PIK3R1: variants seen among roughly 807,000 people sequenced by gnomAD.
PIK3R1 encodes the protein phosphoinositide-3-kinase regulatory subunit 1.
A neutral mutation model predicts 98.0 loss-of-function variants in PIK3R1; 29 were observed. That is an observed-to-expected ratio of 0.30 (90% CI 0.22 to 0.40). The LOEUF (loss-of-function observed/expected upper bound fraction) is 0.40. PIK3R1 is among the 10% of genes least tolerant of loss of function. The pLI is 1.00. For missense variants in PIK3R1, 596 were observed against 872.7 expected (o/e 0.68, Z 3.99); for synonymous variants, 282 against 311.8 (o/e 0.90, Z 1.01).
rs143920253 is a variant in PIK3R1 at position 68,288,636 on chromosome 5, G to T, written c.917-3623G>T. On this transcript the variant is annotated intron_variant, in intron 7 of 15. Coordinates refer to ENST00000521381, the MANE Select transcript of PIK3R1 (RefSeq NM_181523.3). ...GCACTGCCTGCCGGGAACAGGCTGGGGGGAGGTGCGGGGGCTTGGCCCACT... is the reference window on the plus strand; with the variant it reads ...GCACTGCCTGCCGGGAACAGGCTGGTGGGAGGTGCGGGGGCTTGGCCCACT... 6 of 1,597,210 alleles carry T rather than the reference G, an allele frequency of 3.8e-6. No homozygotes were observed. The East Asian group carries it at 1.1e-4, about 30-fold the overall frequency.
chr5:68,260,063 A>G (rs1362361286), intron 2 of PIK3R1, among the ~76,000 whole-genome samples: 4 of 152,190 alleles, frequency 2.6e-5, no homozygotes, highest in African/African-American at 9.7e-5. Flanking sequence ...CGTAGCATAG[A>G]GCCTGATACA....
At chr5:68,275,846 G>C (rs1362911900) in intron 4 of PIK3R1, among the ~76,000 whole-genome samples, 1 of 152,088 alleles carries the variant, frequency 6.6e-6, no homozygotes, top group Non-Finnish European at 1.5e-5. Flanking sequence ...AAAAATTATG[G>C]CTTTTAACTA....
intron 2 of PIK3R1, among the ~76,000 whole-genome samples, chr5:68,262,604 C>CCT (rs1745830509): frequency 8.0e-5 from 9 of 113,056 alleles, no homozygotes. Flanking sequence ...TGCATGTATA[C>CCT]ACATGTATAC....
chr5:68,262,184 A>C (rs560728237), intron 2 of PIK3R1, among the ~76,000 whole-genome samples: 2 of 152,076 alleles, frequency 1.3e-5, no homozygotes, highest in East Asian at 3.9e-4. Flanking sequence ...GACTGATTGA[A>C]TAGTTCCCTC....
Position 68,256,627 on chromosome 5 carries a change from A to G in PIK3R1, c.335-16763A>G, listed in dbSNP as rs1745527715. Among the ~76,000 whole-genome samples, 3 of 152,310 alleles carry G rather than the reference A, an allele frequency of 2.0e-5. No individual in the cohort carries two copies. In the South Asian group the frequency reaches 6.2e-4, roughly 32 times the overall value. On this transcript the variant is annotated intron_variant, in intron 2 of 15. Transcript: ENST00000521381. ...GAAGTTGATTGTTGTTGAAGCACCA[A>G]CAGTATGCATACATGGGTATCCAGA...
chr5:68,234,574 T>G (rs1744597468), intron 2 of PIK3R1, among the ~76,000 whole-genome samples: 1 of 152,226 alleles, frequency 6.6e-6, no homozygotes, highest in Non-Finnish European at 1.5e-5. Context: ...TAGGCTCTAC[T>G]TCTGTTGGTG....
At chr5:68,288,415 C>G (rs1282937589) in intron 7 of PIK3R1, 2 of 1,221,922 alleles carry the variant, frequency 1.6e-6, no homozygotes, top group Non-Finnish European at 1.0e-6. Context: ...CTTTCCTCCC[C>G]GATACAGTAG....
At chr5:68,242,488 C>A (rs1744907573) in intron 2 of PIK3R1, among the ~76,000 whole-genome samples, 2 of 152,144 alleles carry the variant, frequency 1.3e-5, no homozygotes, top group African/African-American at 4.8e-5. Flanking sequence ...AGGCAGTAAG[C>A]CCCAGAAGAG....
chr5:68,280,592 T>G lies in PIK3R1; in HGVS notation c.699T>G (p.Pro233=). The change falls in exon 6 of 16, where the codon CCT becomes CCG. Residue 233 remains proline, a synonymous_variant. Coordinates refer to ENST00000521381, the MANE Select transcript of PIK3R1 (RefSeq NM_181523.3). The stretch of plus-strand genomic sequence containing the variant: ...AGCTTATTAGGTCGCCTAGCATACC[T>G]CATCAGTATTGGCTTACGCTTCAGT... The part of the protein sequence containing the change: ...LKKLIRSPSI[P]HQYWLTLQYL... 6.2e-7 allele frequency: 1 copy of G among 1,613,266 alleles called. No individual in the cohort carries two copies. Among genetic ancestry groups the G allele is most frequent in the Non-Finnish European group, 8.5e-7 (1 of 1,179,352 alleles).
At chr5:68,289,759 CAAAAAAAAA>C (rs71305021) in intron 7 of PIK3R1, among the ~76,000 whole-genome samples, 26 of 51,880 alleles carry the variant, frequency 5.0e-4, no homozygotes, top group African/African-American at 6.8e-4. Context: ...GGGGGAAAAG[CAAAAAAAAA>C]AAAAAAAAAA....
intron 7 of PIK3R1, chr5:68,288,431 T>C (rs1580254195): frequency 1.6e-6 from 2 of 1,252,692 alleles, no homozygotes; most frequent in East Asian, 6.8e-5. Context: ...AGTAGCGAAA[T>C]CCAGTTGGCT....
intron 7 of PIK3R1, among the ~76,000 whole-genome samples, chr5:68,283,771 G>T (rs903374358): frequency 1.3e-5 from 2 of 152,158 alleles, no homozygotes; most frequent in Non-Finnish European, 2.9e-5. Flanking sequence ...CCCAAACCGG[G>T]TCTGCCCAGG....
In PIK3R1 at chr5:68,254,896, G is replaced by C. The variant is rs79152089; in HGVS notation, c.335-18494G>C. On this transcript the variant is annotated intron_variant, in intron 2 of 15. Transcript: ENST00000521381. ...TTAAATTAAATCAAGGTTTCTTAAG[G>C]TTCCAGATTCTTATTCCTAAATTTT... Among the ~76,000 whole-genome samples the C allele has an allele frequency of 4.3e-3, 658 of 151,504 alleles. 5 individuals are homozygous for C. The highest frequency in any genetic ancestry group is 0.015 in the African/African-American group (636 of 41,256).
chr5:68,239,717 C>T (rs1744800872), intron 2 of PIK3R1, among the ~76,000 whole-genome samples: 1 of 152,200 alleles, frequency 6.6e-6, no homozygotes, highest in African/African-American at 2.4e-5. Context: ...CTTGATGCTG[C>T]TGACTTCCGA....
intron 8 of PIK3R1, 175 bp downstream of exon 8, chr5:68,292,536 T>G: frequency 6.6e-7 from 1 of 1,519,782 alleles, no homozygotes; most frequent in South Asian, 1.2e-5. Flanking sequence ...GGGTGCTGGA[T>G]GCCACAGGAA....
rs143740942 is a variant in PIK3R1 at position 68,253,596 on chromosome 5, AT to A, written c.335-19785del. Among the ~76,000 whole-genome samples, 73 of 151,248 alleles carry A rather than the reference AT, an allele frequency of 4.8e-4. No homozygotes were observed. The East Asian group carries it at 8.3e-3, about 17-fold the overall frequency. On this transcript the variant is annotated intron_variant, in intron 2 of 15. Transcript: ENST00000521381. ...ACTTGACTTAAAAATAAAGGGATCT[AT>A]TTTTTTTTAAGGTTCAGAACCCTAT...
intron 2 of PIK3R1, among the ~76,000 whole-genome samples, chr5:68,268,084 T>TTA (rs377443716): frequency 0.014 from 2,051 of 151,918 alleles, 24 homozygotes; most frequent in Middle Eastern, 0.017. Flanking sequence ...CCTGTCATGT[T>TTA]TATATATATA....
Position 68,292,267 on chromosome 5 carries a change from C to T in PIK3R1, c.925C>T (p.Pro309Ser). Residue 309 changes from proline to serine, a missense_variant, in exon 8 of 16, where the codon CCT becomes TCT. By Grantham distance (74) the Pro-to-Ser change is moderately conservative. Around this residue, in one of 3 missense-constraint regions of PIK3R1, gnomAD observed 352 missense variants for 393.3 expected, o/e 0.90. Transcript: ENST00000521381. ...TTCTTTTTCATCTGCAGCACTGCCTCCTAAACCACCAAAACCTACTACTGT... is the reference window on the plus strand; with the variant it reads ...TTCTTTTTCATCTGCAGCACTGCCTTCTAAACCACCAAAACCTACTACTGT... The part of the protein sequence containing the change: ...NERQPAPALP[P>S]KPPKPTTVAN... The T allele has an allele frequency of 6.2e-7, 1 of 1,611,468 alleles. No homozygotes were observed. Among genetic ancestry groups the T allele is most frequent in the African/African-American group, 1.3e-5 (1 of 74,838 alleles).
intron 2 of PIK3R1, among the ~76,000 whole-genome samples, chr5:68,250,918 A>G (rs1031401577): frequency 2.0e-5 from 3 of 152,234 alleles, no homozygotes; most frequent in African/African-American, 4.8e-5. Flanking sequence ...ACTGAGCTCA[A>G]GAGGAAGCCT....
Sources: gnomAD v4.1 joint callset for allele counts (sites outside exome capture counted in the v4.1 genomes callset) on GRCh38, gnomAD v4.1.1 for gene constraint, gnomAD v4.1.1 regional missense constraint, MANE v1.5 for transcripts, NCBI Gene and HGNC (gene_info 2026-07-23, HGNC 2026-07-21) for gene names.